ROBO1: variants seen among roughly 807,000 people sequenced by gnomAD.
ROBO1 encodes roundabout guidance receptor 1.
Under a neutral mutation model 195.9 loss-of-function variants are expected in ROBO1, and 149 were observed. That is an observed-to-expected ratio of 0.76 (90% CI 0.67 to 0.87). The LOEUF (loss-of-function observed/expected upper bound fraction) is 0.87, where lower values mean the gene tolerates loss of function less well. Ranked by LOEUF, ROBO1 falls within the 40% of genes least tolerant of loss-of-function variation. The pLI is 0.00. For missense variants in ROBO1, 1,933 were observed against 2,068.3 expected (o/e 0.93, Z 1.27); for synonymous variants, 816 against 733.2 (o/e 1.11, Z -1.82).
At chr3:78,889,978 T>C (rs1268755576) in intron 4 of ROBO1, among the ~76,000 whole-genome samples, 1 of 152,078 alleles carries the variant, frequency 6.6e-6, no homozygotes, top group East Asian at 1.9e-4. Context: ...CTGACTCTTC[T>C]AAACTGGGAC....
chr3:79,632,623 A>C (rs72909963), intron 1 of ROBO1, among the ~76,000 whole-genome samples: 1 of 152,298 alleles, frequency 6.6e-6, no homozygotes, highest in East Asian at 1.9e-4. Context: ...CCCTGAATCT[A>C]TTTTTGAAAA....
chr3:79,137,663 A>G (rs969444343), intron 2 of ROBO1, among the ~76,000 whole-genome samples: 4 of 152,076 alleles, frequency 2.6e-5, no homozygotes, highest in African/African-American at 9.6e-5. Flanking sequence ...TTCCGTTTTC[A>G]AGATACTGAA....
intron 14 of ROBO1, among the ~76,000 whole-genome samples, chr3:78,662,637 A>G (rs1053095650): frequency 6.6e-6 from 1 of 152,178 alleles, no homozygotes; most frequent in African/African-American, 2.4e-5. Flanking sequence ...TTCTCATGGA[A>G]GGTATATGGT....
At chr3:78,949,468 C>T (rs1044549968) in intron 3 of ROBO1, among the ~76,000 whole-genome samples, 2 of 151,772 alleles carry the variant, frequency 1.3e-5, no homozygotes, top group African/African-American at 4.8e-5. Flanking sequence ...ATGTAGAAAG[C>T]TGAAACTGGA....
At chr3:79,514,703 G>T (rs1192165782) in intron 2 of ROBO1, among the ~76,000 whole-genome samples, 1 of 151,294 alleles carries the variant, frequency 6.6e-6, no homozygotes, top group Non-Finnish European at 1.5e-5. Context: ...ATGTGTCTGT[G>T]TGTGAGTGTT....
At chr3:79,125,651 A>G in intron 2 of ROBO1, 112 bp from the exon 3 acceptor site, 2 of 770,864 alleles carry the variant, frequency 2.6e-6, no homozygotes, top group East Asian at 2.7e-5. Flanking sequence ...AGAAAAACAC[A>G]CAAGGACAAC....
chr3:79,185,761 G>A (rs889436130), intron 2 of ROBO1, among the ~76,000 whole-genome samples: 1 of 152,088 alleles, frequency 6.6e-6, no homozygotes, highest in Admixed American at 6.6e-5. Flanking sequence ...CCATCTTGGA[G>A]AAGCCACATA....
chr3:79,231,057 AC>A (rs1311064268), intron 2 of ROBO1, among the ~76,000 whole-genome samples: 2 of 152,140 alleles, frequency 1.3e-5, no homozygotes, highest in African/African-American at 4.8e-5. Context: ...TACACCCTAC[AC>A]AAAAATCAAC....
intron 8 of ROBO1, among the ~76,000 whole-genome samples, chr3:78,694,332 A>G (rs1401763206): frequency 6.6e-6 from 1 of 152,192 alleles, no homozygotes; most frequent in African/African-American, 2.4e-5. Context: ...CTTTCAGCAA[A>G]TCAAAATTAA....
chr3:79,738,501 T>C (rs1703485482), intron 1 of ROBO1, among the ~76,000 whole-genome samples: 1 of 152,050 alleles, frequency 6.6e-6, no homozygotes, highest in Non-Finnish European at 1.5e-5. Context: ...AGTTAGAAAA[T>C]AATAAAAAGT....
intron 1 of ROBO1, among the ~76,000 whole-genome samples, chr3:79,669,318 G>A (rs1328489760): frequency 6.6e-6 from 1 of 151,826 alleles, no homozygotes; most frequent in Non-Finnish European, 1.5e-5. Flanking sequence ...CCCCAGCCAT[G>A]TGGAACTGTA....
At chr3:78,702,976 T>C (rs1473696013) in intron 8 of ROBO1, among the ~76,000 whole-genome samples, 1 of 152,236 alleles carries the variant, frequency 6.6e-6, no homozygotes, top group African/African-American at 2.4e-5. Flanking sequence ...GCATTTCAAA[T>C]TCTCTGTAGG....
chr3:79,424,513 C>T (rs2038364589), intron 2 of ROBO1, among the ~76,000 whole-genome samples: 1 of 151,976 alleles, frequency 6.6e-6, no homozygotes, highest in African/African-American at 2.4e-5. Context: ...ATTCAATAAA[C>T]ATTCAAAGGC....
chr3:78,912,813 G>A (rs764512662), intron 4 of ROBO1, among the ~76,000 whole-genome samples: 7 of 152,094 alleles, frequency 4.6e-5, no homozygotes, highest in Non-Finnish European at 8.8e-5. Context: ...CATAATCTGT[G>A]AGTAAACATC....
rs1410618349 is a variant in ROBO1 at position 79,589,858 on chromosome 3, G to A, written c.54C>T (p.Ser18=). The A allele has an allele frequency of 6.2e-7, 1 of 1,610,932 alleles. No individual in the cohort carries two copies. Among genetic ancestry groups the A allele is most frequent in the Non-Finnish European group, 8.5e-7 (1 of 1,177,890 alleles). The change falls in exon 2 of 31, where the codon TCC becomes TCT. Residue 18 remains serine (S), a synonymous_variant. Transcript: ENST00000464233. ...GCTGGGCCAGAAACAGGTGATTTGG[G>A]GATAAGCTGAGGAGTGATATCATGA... ...FLVMISLLSL[S]PNHLFLAQLI... is the part of the protein sequence containing the mutation.
intron 2 of ROBO1, among the ~76,000 whole-genome samples, chr3:79,179,570 A>C (rs1201520943): frequency 6.6e-6 from 1 of 152,224 alleles, no homozygotes; most frequent in African/African-American, 2.4e-5. Context: ...ATAAAAAGCC[A>C]TGTCAGTGAA....
chr3:78,764,468 A>T (rs1317949983), intron 4 of ROBO1, among the ~76,000 whole-genome samples: 1 of 152,150 alleles, frequency 6.6e-6, no homozygotes, highest in African/African-American at 2.4e-5. Flanking sequence ...TTGAATTGAG[A>T]CTATTTCTGA....
At chr3:79,749,390 A>T (rs1197188574) in intron 1 of ROBO1, among the ~76,000 whole-genome samples, 1 of 152,200 alleles carries the variant, frequency 6.6e-6, no homozygotes, top group African/African-American at 2.4e-5. Flanking sequence ...TATGATAGAA[A>T]ATAAAATCCC....
Position 78,714,480 on chromosome 3 carries a change from G to T in ROBO1, c.962C>A (p.Thr321Lys), listed in dbSNP as rs1315775323. The T allele has an allele frequency of 1.2e-6, 2 of 1,612,600 alleles. No individual in the cohort carries two copies. The change falls in exon 8 of 31, where the codon ACA (threonine) becomes AAA (lysine). Residue 321 changes from threonine (T) to lysine (K), a missense_variant. By Grantham distance (78) the Thr-to-Lys change is moderately conservative. This residue lies in a region of ROBO1 where 1,737 missense variants were observed against 1,882.5 expected (regional missense o/e 0.92). Transcript: ENST00000464233. ...AGTGTATGAACCCATGTCACCAGCTGTCACCTTCCTAATTTTCAAGGTATG... is the reference window on the plus strand; with the variant it reads ...AGTGTATGAACCCATGTCACCAGCTTTCACCTTCCTAATTTTCAAGGTATG... Reference protein sequence around the residue: ...DDHTLKIRKVTAGDMGSYTCV... With the variant: ...DDHTLKIRKVKAGDMGSYTCV...
Sources: gnomAD v4.1 joint callset for allele counts (sites outside exome capture counted in the v4.1 genomes callset) on GRCh38, gnomAD v4.1.1 for gene constraint, gnomAD v4.1.1 regional missense constraint, MANE v1.5 for transcripts, NCBI Gene and HGNC (gene_info 2026-07-23, HGNC 2026-07-21) for gene names.